Variants in SGIP1 observed in about 807,000 individuals in gnomAD.
The protein encoded by SGIP1 is SH3-containing GRB2-like protein 3-interacting protein 1.
SGIP1 carries 38 observed loss-of-function variants against 107.5 expected under a neutral mutation model. That is an observed-to-expected ratio of 0.35 (90% CI 0.27 to 0.46). SGIP1 has a LOEUF of 0.46. Among genes scored for constraint, SGIP1 ranks in the 20% least tolerant of loss-of-function variants. SGIP1 has a pLI of 1.00. For synonymous variants in SGIP1, 365 were observed against 366.1 expected (o/e 1.00, Z 0.03); for missense variants, 929 against 1,019.5 (o/e 0.91, Z 1.21).
chr1:66,561,216 C>A (rs914338219), intron 1 of SGIP1, among the ~76,000 whole-genome samples: 1 of 151,994 alleles, frequency 6.6e-6, no homozygotes, highest in Non-Finnish European at 1.5e-5. Context: ...AACTGAAGGA[C>A]AGAAAGATCA....
intron 19 of SGIP1, 116 bp downstream of exon 19, chr1:66,719,521 C>T (rs1442662744): frequency 4.9e-6 from 3 of 606,978 alleles, no homozygotes; most frequent in African/African-American, 3.7e-5. Context: ...ATTCAGTTAG[C>T]AATAGTAGAT....
At chr1:66,549,137 GCCTTCCTTCCTTCCTTCCTTCCTTCCTT>G (rs60834683) in intron 1 of SGIP1, among the ~76,000 whole-genome samples, 133 of 144,528 alleles carry the variant, frequency 9.2e-4, no homozygotes, top group African/African-American at 3.3e-3. Flanking sequence ...CTGGCTACCT[GCCTTCCTTCCTTCCTTCCTTCCTTCCTT>G]CCTTCCTTCC....
At chr1:66,664,478 C>T (rs1428007148) in intron 8 of SGIP1, among the ~76,000 whole-genome samples, 1 of 152,070 alleles carries the variant, frequency 6.6e-6, no homozygotes, top group Non-Finnish European at 1.5e-5. Context: ...TCAACAATGC[C>T]AAGCTTGGCA....
chr1:66,660,421 G>A lies in SGIP1; in HGVS notation c.460-92G>A, dbSNP rs1237690211. On this transcript the variant is annotated intron_variant, in intron 7 of 24. Coordinates refer to ENST00000371037, the MANE Select transcript of SGIP1 (RefSeq NM_032291.4). Reference sequence around the variant, plus strand: ...GCCTTCGAGAGCTCCCTTAAGTAAGGTTATCCTGAACCTTGACCTGTTTCT... The same window carrying A: ...GCCTTCGAGAGCTCCCTTAAGTAAGATTATCCTGAACCTTGACCTGTTTCT... 7 of 1,240,848 alleles carry A rather than the reference G, an allele frequency of 5.6e-6. No homozygotes were observed. In the South Asian group the frequency reaches 7.3e-5, roughly 13 times the overall value. The allele number at this position is 1,240,848 out of a possible 1,614,324, so 76.9% of individuals were successfully genotyped here.
At chr1:66,533,540 T>C (rs1483587398), upstream of SGIP1, 1 of 152,176 alleles carries the variant, frequency 6.6e-6, no homozygotes, top group East Asian at 1.9e-4. Flanking sequence ...GGGATGTTTA[T>C]GATGTGACGT....
intron 18 of SGIP1, among the ~76,000 whole-genome samples, chr1:66,714,346 C>T (rs1180499217): frequency 2.6e-5 from 4 of 152,132 alleles, no homozygotes; most frequent in Non-Finnish European, 4.4e-5. Context: ...CAACTAATAG[C>T]ATCTGCTTTA....
At chr1:66,695,335 C>T (rs1380692312) in intron 17 of SGIP1, 99 bp from the exon 18 acceptor site, 1 of 1,602,906 alleles carries the variant, frequency 6.2e-7, no homozygotes, top group African/African-American at 1.4e-5. Flanking sequence ...CCACCCTTCC[C>T]TATAGTGAGA....
chr1:66,690,145 G>T, intron 16 of SGIP1, 45 bp from the exon 17 acceptor site: 1 of 1,605,782 alleles, frequency 6.2e-7, no homozygotes, highest in Non-Finnish European at 8.5e-7. Flanking sequence ...CAAAAATACT[G>T]CAACCTGTGT....
intron 1 of SGIP1, among the ~76,000 whole-genome samples, chr1:66,566,085 G>A (rs556942510): frequency 2.8e-4 from 42 of 152,076 alleles, no homozygotes; most frequent in African/African-American, 8.4e-4. Flanking sequence ...TTCACTTAAT[G>A]TCTTACTTTT....
intron 1 of SGIP1, among the ~76,000 whole-genome samples, chr1:66,576,908 C>T (rs2061145271): frequency 6.6e-6 from 1 of 152,190 alleles, no homozygotes; most frequent in Non-Finnish European, 1.5e-5. Context: ...TCTCCCCAAG[C>T]AGAGCTGCTG....
chr1:66,581,486 T>A (rs1167070002), intron 1 of SGIP1, among the ~76,000 whole-genome samples: 2 of 152,018 alleles, frequency 1.3e-5, no homozygotes, highest in African/African-American at 2.4e-5. Flanking sequence ...TTTTATTACA[T>A]TTAATTGTAT....
intron 22 of SGIP1, among the ~76,000 whole-genome samples, chr1:66,740,351 A>T (rs867839396): frequency 7.7e-5 from 10 of 130,180 alleles, no homozygotes; most frequent in African/African-American, 2.7e-4. Flanking sequence ...AATTACCTTA[A>T]TTAATTGATT....
At chr1:66,642,422 A>G (rs1436981672) in intron 5 of SGIP1, among the ~76,000 whole-genome samples, 1 of 152,106 alleles carries the variant, frequency 6.6e-6, no homozygotes, top group Non-Finnish European at 1.5e-5. Context: ...TGTCTAACAC[A>G]GGTGTTTTGT....
intron 7 of SGIP1, among the ~76,000 whole-genome samples, chr1:66,653,523 G>A (rs1317187287): frequency 6.6e-6 from 1 of 152,168 alleles, no homozygotes; most frequent in Admixed American, 6.6e-5. Context: ...GTAAGGGTTA[G>A]ATTTTTCTTG....
chr1:66,570,594 A>G (rs375798400), intron 1 of SGIP1, among the ~76,000 whole-genome samples: 1 of 151,908 alleles, frequency 6.6e-6, no homozygotes, highest in Non-Finnish European at 1.5e-5. Flanking sequence ...ATTGCCATCT[A>G]TCCATCAAAT....
intron 1 of SGIP1, among the ~76,000 whole-genome samples, chr1:66,609,227 A>C (rs1456519493): frequency 3.9e-5 from 6 of 152,234 alleles, no homozygotes; most frequent in African/African-American, 1.4e-4. Context: ...AATATGAGGC[A>C]AAATTTGAGA....
intron 1 of SGIP1, among the ~76,000 whole-genome samples, chr1:66,542,315 A>G (rs2055170623): frequency 6.6e-6 from 1 of 152,212 alleles, no homozygotes; most frequent in Non-Finnish European, 1.5e-5. Context: ...AACAGTTATA[A>G]CAATCTGCTG....
chr1:66,565,836 A>G (rs1390364155), intron 1 of SGIP1, among the ~76,000 whole-genome samples: 2 of 152,008 alleles, frequency 1.3e-5, no homozygotes, highest in African/African-American at 4.8e-5. Context: ...TCGCTCTTGT[A>G]GAATATAAAG....
intron 3 of SGIP1, 80 bp downstream of exon 3, chr1:66,633,174 TTCCTGTAGGG>T: frequency 1.0e-6 from 1 of 952,454 alleles, no homozygotes; most frequent in Admixed American, 2.2e-5. Flanking sequence ...CCCTTTTTTT[TTCCTGTAGGG>T]AAAAAAATAG....
Sources: allele counts gnomAD v4.1 joint callset (sites outside exome capture counted in the v4.1 genomes callset), GRCh38; gene constraint gnomAD v4.1.1; transcripts MANE v1.5; gene names NCBI Gene and HGNC (gene_info 2026-07-23, HGNC 2026-07-21).